The following SGCZ variants were observed in gnomAD, a reference collection of about 807,000 sequenced individuals.
SGCZ encodes the protein sarcoglycan zeta, also known as zeta-sarcoglycan.
A neutral mutation model predicts 41.3 loss-of-function variants in SGCZ; 40 were observed. That is an observed-to-expected ratio of 0.97 (90% confidence interval 0.75 to 1.26). SGCZ has a LOEUF of 1.26. SGCZ is among the 50% of genes most tolerant of loss of function. The pLI, the probability that SGCZ is intolerant of heterozygous loss-of-function variation, is 0.00. For synonymous variants in SGCZ, 206 were observed against 137.5 expected, an observed-to-expected ratio of 1.50 and a Z score of -3.49; for missense variants, 552 against 369.8, an observed-to-expected ratio of 1.49 and a Z score of -4.04.
At chr8:15,081,221 C>T (rs1401947171) in intron 1 of SGCZ, among the ~76,000 whole-genome samples, 3 of 152,098 alleles carry the variant, frequency 2.0e-5, no homozygotes, top group Non-Finnish European at 4.4e-5. Context: ...TCTGTGTCTT[C>T]CCTGAAAATG....
intron 2 of SGCZ, among the ~76,000 whole-genome samples, chr8:14,431,484 C>T (rs566911229): frequency 6.6e-6 from 1 of 152,040 alleles, no homozygotes; most frequent in Non-Finnish European, 1.5e-5. Context: ...ATTGGCCAGC[C>T]ACATGTAGGA....
At chr8:14,369,277 C>A (rs903652877) in intron 2 of SGCZ, among the ~76,000 whole-genome samples, 4 of 151,918 alleles carry the variant, frequency 2.6e-5, no homozygotes, top group African/African-American at 9.7e-5. Context: ...CATGTCTCTC[C>A]TTTGACTCTC....
intron 1 of SGCZ, among the ~76,000 whole-genome samples, chr8:14,600,889 C>T (rs1805569391): frequency 6.6e-6 from 1 of 151,048 alleles, no homozygotes; most frequent in Non-Finnish European, 1.5e-5. Context: ...GACCTCAAGC[C>T]TTCTGATATT....
chr8:14,738,028 G>A (rs964051464), intron 1 of SGCZ, among the ~76,000 whole-genome samples: 1 of 152,020 alleles, frequency 6.6e-6, no homozygotes. Flanking sequence ...CAGGTAGTGA[G>A]GTAGAAAGCT....
At chr8:15,210,653 G>C (rs1197567736) in intron 1 of SGCZ, among the ~76,000 whole-genome samples, 2 of 152,094 alleles carry the variant, frequency 1.3e-5, no homozygotes, top group Non-Finnish European at 2.9e-5. Context: ...CCTATGCAAA[G>C]TATGAGCAAT....
chr8:14,103,654 T>TC (rs1802106344), intron 6 of SGCZ, among the ~76,000 whole-genome samples: 1 of 151,848 alleles, frequency 6.6e-6, no homozygotes, highest in South Asian at 2.1e-4. Flanking sequence ...CCATTTTCTT[T>TC]TTTTTTCACT....
intron 1 of SGCZ, among the ~76,000 whole-genome samples, chr8:14,823,022 C>G (rs1802164258): frequency 7.2e-6 from 1 of 139,346 alleles, no homozygotes; most frequent in African/African-American, 2.7e-5. Flanking sequence ...CCACTGCACT[C>G]CAGCCTGGGC....
chr8:14,806,024 G>C (rs1218640640), intron 1 of SGCZ, among the ~76,000 whole-genome samples: 1 of 151,360 alleles, frequency 6.6e-6, no homozygotes, highest in African/African-American at 2.4e-5. Context: ...GATGTTCTTT[G>C]AAACCAACGA....
chr8:14,286,243 T>A (rs1800623005), intron 3 of SGCZ, among the ~76,000 whole-genome samples: 1 of 152,126 alleles, frequency 6.6e-6, no homozygotes, highest in South Asian at 2.1e-4. Flanking sequence ...CTATAGCATA[T>A]TTTTCTAATC....
Position 14,828,111 on chromosome 8 carries a change from C to G in SGCZ, c.40-273185G>C, listed in dbSNP as rs535089274. Among the ~76,000 whole-genome samples, 14 of 152,168 alleles carry G rather than the reference C, an allele frequency of 9.2e-5. No individual in the cohort carries two copies. In the South Asian group the frequency reaches 1.2e-3, roughly 14 times the overall value. On this transcript the variant is annotated intron_variant, in intron 1 of 7. Transcript: ENST00000382080. ...AAAAGTAATTCTGCTGAAATTGCAG[C>G]AAGAACAAATACAAATTTATGGTGA...
intron 2 of SGCZ, among the ~76,000 whole-genome samples, chr8:14,475,267 T>C (rs752490422): frequency 3.3e-5 from 5 of 152,180 alleles, no homozygotes; most frequent in African/African-American, 1.2e-4. Flanking sequence ...ATTATCACCT[T>C]CTAGAAGTGG....
intron 1 of SGCZ, among the ~76,000 whole-genome samples, chr8:14,922,806 C>A (rs1487134389): frequency 1.3e-5 from 2 of 152,098 alleles, no homozygotes; most frequent in African/African-American, 4.8e-5. Context: ...GAGACCAAAA[C>A]AAATGTTACC....
chr8:14,185,946 G>GTCT (rs2117034462), intron 4 of SGCZ, among the ~76,000 whole-genome samples: 1 of 152,190 alleles, frequency 6.6e-6, no homozygotes, highest in Non-Finnish European at 1.5e-5. Context: ...ATTCACCTTG[G>GTCT]AATCTGCGTT....
chr8:14,372,214 G>A (rs189344068), intron 2 of SGCZ, among the ~76,000 whole-genome samples: 2 of 152,248 alleles, frequency 1.3e-5, no homozygotes, highest in African/African-American at 4.8e-5. Flanking sequence ...TATTAACATT[G>A]AGAATTATAT....
chr8:14,670,848 G>A (rs1286560784), intron 1 of SGCZ, among the ~76,000 whole-genome samples: 1 of 152,182 alleles, frequency 6.6e-6, no homozygotes, highest in African/African-American at 2.4e-5. Context: ...AAATGTCAAA[G>A]CTCACATTCA....
chr8:14,205,740 G>A (rs1226301926), intron 4 of SGCZ, among the ~76,000 whole-genome samples: 1 of 151,966 alleles, frequency 6.6e-6, no homozygotes, highest in Admixed American at 6.6e-5. Context: ...GTGGTTGAAT[G>A]GCATAATAAT....
intron 1 of SGCZ, among the ~76,000 whole-genome samples, chr8:14,807,523 G>C (rs1349841872): frequency 1.3e-5 from 2 of 151,722 alleles, no homozygotes; most frequent in African/African-American, 2.4e-5. Flanking sequence ...CAACTTACAA[G>C]GGATGTGAAG....
chr8:14,111,210 T>A, intron 5 of SGCZ, among the ~76,000 whole-genome samples: 1 of 152,286 alleles, frequency 6.6e-6, no homozygotes, highest in South Asian at 2.1e-4. Context: ...AAACATCAAA[T>A]CATTTTTTAG....
chr8:14,892,828 T>C (rs1046509243), intron 1 of SGCZ, among the ~76,000 whole-genome samples: 4 of 152,186 alleles, frequency 2.6e-5, no homozygotes, highest in Admixed American at 6.5e-5. Flanking sequence ...ATAGAAGGTT[T>C]GAACTATATG....
Sources: gnomAD v4.1 joint callset for allele counts (sites outside exome capture counted in the v4.1 genomes callset) on GRCh38, gnomAD v4.1.1 for gene constraint, MANE v1.5 for transcripts, NCBI Gene and HGNC (gene_info 2026-07-23, HGNC 2026-07-21) for gene names.